Variants in TSHZ2 observed in about 807,000 individuals in gnomAD.
TSHZ2 encodes teashirt homolog 2.
In TSHZ2, 21 loss-of-function variants were observed where a neutral mutation model predicts 74.4. The ratio of observed to expected loss-of-function variants is 0.28; its 90% CI spans 0.20 to 0.41. TSHZ2 has a LOEUF of 0.41. Among genes scored for constraint, TSHZ2 ranks in the 10% least tolerant of loss-of-function variants. The pLI is 1.00. For missense variants in TSHZ2, 1,244 were observed against 1,293.5 expected, an observed-to-expected ratio of 0.96 and a Z score of 0.59; for synonymous variants, 540 against 515.3, an observed-to-expected ratio of 1.05 and a Z score of -0.65.
At chr20:53,280,859 AT>A (rs1568850106) in intron 2 of TSHZ2, among the ~76,000 whole-genome samples, 3 of 151,678 alleles carry the variant, frequency 2.0e-5, no homozygotes, top group African/African-American at 7.3e-5. Flanking sequence ...CACCCAGCTA[AT>A]TTTTTCTATT....
At chr20:53,362,432 C>T (rs1247030233) in intron 2 of TSHZ2, among the ~76,000 whole-genome samples, 1 of 152,054 alleles carries the variant, frequency 6.6e-6, no homozygotes, top group Non-Finnish European at 1.5e-5. Context: ...GATCTGCCCA[C>T]CTCGGCCTCC....
At chr20:53,480,387 G>A (rs1156412624) in intron 2 of TSHZ2, among the ~76,000 whole-genome samples, 1 of 151,590 alleles carries the variant, frequency 6.6e-6, no homozygotes, top group South Asian at 2.1e-4. Context: ...TGTTTTTGTA[G>A]AGACTCCATC....
Position 53,418,145 on chromosome 20 carries a change from T to C in TSHZ2, c.*9-68999T>C, listed in dbSNP as rs200847099. ...ATATTTAAGCAGAGGTCTATATGAT[T>C]CAAAACAGCCTGCTGAGAGAGTAAA... On this transcript the variant is annotated intron_variant, in intron 2 of 2. Coordinates refer to ENST00000371497, the MANE Select transcript of TSHZ2 (RefSeq NM_173485.6). Among the ~76,000 whole-genome samples, 6 of 152,314 alleles carry C rather than the reference T, an allele frequency of 3.9e-5. No homozygotes were observed. In the East Asian group the frequency reaches 7.7e-4, roughly 20 times the overall value.
chr20:53,406,379 C>T (rs1982853479), intron 2 of TSHZ2, among the ~76,000 whole-genome samples: 1 of 152,192 alleles, frequency 6.6e-6, no homozygotes, highest in Non-Finnish European at 1.5e-5. Flanking sequence ...ATTCAAATTA[C>T]ATTTTGAAAA....
chr20:53,131,187 CAAG>C (rs1225966563), intron 1 of TSHZ2, among the ~76,000 whole-genome samples: 1 of 152,162 alleles, frequency 6.6e-6, no homozygotes, highest in Admixed American at 6.5e-5. Flanking sequence ...TTGTGAAACA[CAAG>C]AAAGTCACCA....
intron 2 of TSHZ2, among the ~76,000 whole-genome samples, chr20:53,448,773 G>A (rs1034521783): frequency 6.6e-6 from 1 of 152,260 alleles, no homozygotes; most frequent in Admixed American, 6.5e-5. Flanking sequence ...TACCCTAGCT[G>A]TGTGATTTGG....
chr20:53,277,017 G>A (rs1190187832), intron 2 of TSHZ2, among the ~76,000 whole-genome samples: 1 of 152,188 alleles, frequency 6.6e-6, no homozygotes, highest in Non-Finnish European at 1.5e-5. Context: ...AAATAGAGAA[G>A]CAAAACAAGG....
At position 53,465,331 on chromosome 20, in the gene TSHZ2, C is replaced by T. The variant is rs184806970; in HGVS notation, c.*9-21813C>T. On this transcript the variant is annotated intron_variant, in intron 2 of 2. Coordinates refer to ENST00000371497, the MANE Select transcript of TSHZ2 (RefSeq NM_173485.6). ...TGTCACCCAGGCTGAAGTGCAATGG[C>T]GCGATCTTGGCTCACAGCAACCTCT... 2.6e-3 allele frequency among the ~76,000 whole-genome samples: 391 copies of T among 152,188 alleles called. 4 individuals are homozygous for T. The highest frequency in any genetic ancestry group is 1.6e-3 in the African/African-American group (66 of 41,548).
intron 2 of TSHZ2, among the ~76,000 whole-genome samples, chr20:53,361,926 T>TG (rs1981071170): frequency 6.6e-6 from 1 of 152,062 alleles, no homozygotes; most frequent in African/African-American, 2.4e-5. Context: ...TTTTGTGTTT[T>TG]TTTTTTTTCT....
At chr20:53,148,913 C>T (rs573243690) in intron 1 of TSHZ2, among the ~76,000 whole-genome samples, 1 of 152,270 alleles carries the variant, frequency 6.6e-6, no homozygotes, top group Admixed American at 6.5e-5. Context: ...AGAATTCTCA[C>T]AGAGCAGGAA....
At chr20:53,042,176 A>T (rs1476271659) in intron 1 of TSHZ2, among the ~76,000 whole-genome samples, 2 of 152,306 alleles carry the variant, frequency 1.3e-5, no homozygotes, top group Non-Finnish European at 2.9e-5. Context: ...CCTCTGCTGG[A>T]TTCATAAGCA....
intron 1 of TSHZ2, among the ~76,000 whole-genome samples, chr20:53,189,824 C>T (rs1206416521): frequency 6.6e-6 from 1 of 151,926 alleles, no homozygotes; most frequent in East Asian, 1.9e-4. Context: ...TGGCTCACGC[C>T]TACAATCCCA....
intron 1 of TSHZ2, among the ~76,000 whole-genome samples, chr20:53,212,973 A>C (rs748473833): frequency 2.0e-5 from 3 of 152,144 alleles, no homozygotes; most frequent in Non-Finnish European, 4.4e-5. Flanking sequence ...CTGTGGATCA[A>C]AAGTAAGGAG....
intron 2 of TSHZ2, among the ~76,000 whole-genome samples, chr20:53,385,599 T>C (rs1982015525): frequency 6.6e-6 from 1 of 152,176 alleles, no homozygotes; most frequent in African/African-American, 2.4e-5. Context: ...ATCTTTATCT[T>C]ATCCTCTGTC....
chr20:53,332,505 G>A lies in TSHZ2; in HGVS notation c.*8+75934G>A, dbSNP rs1234570222. On this transcript the variant is annotated intron_variant, in intron 2 of 2. Coordinates refer to ENST00000371497, the MANE Select transcript of TSHZ2 (RefSeq NM_173485.6). Reference sequence around the variant, plus strand: ...AGGAATTCACACATGATCCTGTGGGGGATGAGGAGAACCCAAAGTATTTTA... The same window carrying A: ...AGGAATTCACACATGATCCTGTGGGAGATGAGGAGAACCCAAAGTATTTTA... 3.3e-5 allele frequency among the ~76,000 whole-genome samples: 5 copies of A among 152,130 alleles called. 1 individual carries two copies. In the East Asian group the frequency reaches 7.7e-4, roughly 23 times the overall value.
At chr20:53,323,432 GT>G (rs1979354241) in intron 2 of TSHZ2, among the ~76,000 whole-genome samples, 1 of 40,914 alleles carries the variant, frequency 2.4e-5, no homozygotes, top group East Asian at 4.8e-4. Flanking sequence ...AATGAATGAT[GT>G]AGTTAAAGTT....
intron 1 of TSHZ2, among the ~76,000 whole-genome samples, chr20:53,041,025 GTC>G (rs1002668988): frequency 6.6e-6 from 1 of 152,232 alleles, no homozygotes; most frequent in Non-Finnish European, 1.5e-5. Context: ...AAACTGGTTA[GTC>G]TCTGCAGGAA....
chr20:53,348,752 C>G (rs921115236), intron 2 of TSHZ2, among the ~76,000 whole-genome samples: 3 of 152,138 alleles, frequency 2.0e-5, no homozygotes, highest in African/African-American at 7.2e-5. Context: ...CTTCTTCTTC[C>G]CAAATGTTTC....
chr20:53,343,059 C>T (rs1323592881), intron 2 of TSHZ2, among the ~76,000 whole-genome samples: 1 of 149,630 alleles, frequency 6.7e-6, no homozygotes, highest in African/African-American at 2.5e-5. Flanking sequence ...CTCCGCCTCC[C>T]GGGTTCAAGC....
Sources: allele counts gnomAD v4.1 joint callset (sites outside exome capture counted in the v4.1 genomes callset), GRCh38; gene constraint gnomAD v4.1.1; transcripts MANE v1.5; gene names NCBI Gene and HGNC (gene_info 2026-07-23, HGNC 2026-07-21).